Variants in FGGY observed in about 807,000 individuals in gnomAD.
The protein encoded by FGGY is FGGY carbohydrate kinase domain-containing protein.
In FGGY, 72 loss-of-function variants were observed where a neutral mutation model predicts 71.3. The ratio of observed to expected loss-of-function variants is 1.01; its 90% CI spans 0.84 to 1.23. The LOEUF (loss-of-function observed/expected upper bound fraction) is 1.23, where lower values mean the gene tolerates loss of function less well. Ranked by LOEUF, FGGY falls within the 50% of genes most tolerant of loss-of-function variation. FGGY has a pLI of 0.00. For missense variants in FGGY, 668 were observed against 682.3 expected, an observed-to-expected ratio of 0.98 and a Z score of 0.23; for synonymous variants, 251 against 250.3, an observed-to-expected ratio of 1.00 and a Z score of -0.02.
intron 9 of FGGY, among the ~76,000 whole-genome samples, chr1:59,617,365 A>G (rs2096766364): frequency 6.6e-6 from 1 of 152,188 alleles, no homozygotes. Context: ...ATCTTCCATT[A>G]CAAAGCAATT....
intron 14 of FGGY, among the ~76,000 whole-genome samples, chr1:59,752,398 C>T (rs981950796): frequency 6.6e-6 from 1 of 152,154 alleles, no homozygotes; most frequent in African/African-American, 2.4e-5. Context: ...ATATTCTCCC[C>T]TATAGATGGT....
At chr1:59,744,961 G>C (rs1039368722) in intron 14 of FGGY, among the ~76,000 whole-genome samples, 4 of 152,142 alleles carry the variant, frequency 2.6e-5, no homozygotes, top group African/African-American at 4.8e-5. Flanking sequence ...ATAATAAAGA[G>C]AGTTTAAAAG....
intron 4 of FGGY, among the ~76,000 whole-genome samples, chr1:59,372,431 A>C (rs1305037859): frequency 6.6e-6 from 1 of 152,198 alleles, no homozygotes; most frequent in Non-Finnish European, 1.5e-5. Context: ...CTTACCAACC[A>C]AAAAGAGTCC....
At chr1:59,460,182 G>T (rs1234061176) in intron 6 of FGGY, among the ~76,000 whole-genome samples, 3 of 152,068 alleles carry the variant, frequency 2.0e-5, no homozygotes, top group African/African-American at 7.2e-5. Context: ...TGGAAAATCG[G>T]GACACTGCCG....
intron 14 of FGGY, among the ~76,000 whole-genome samples, chr1:59,689,001 C>T (rs2097567905): frequency 6.6e-6 from 1 of 152,130 alleles, no homozygotes. Context: ...CTGCCCACCT[C>T]GGCCTCCCAA....
intron 5 of FGGY, among the ~76,000 whole-genome samples, chr1:59,396,027 A>G (rs2061281717): frequency 6.6e-6 from 1 of 152,210 alleles, no homozygotes; most frequent in South Asian, 2.1e-4. Flanking sequence ...GACCAGCAGC[A>G]TGAGCAGCGT....
chr1:59,685,855 C>T (rs567037818), intron 14 of FGGY, among the ~76,000 whole-genome samples: 1 of 152,314 alleles, frequency 6.6e-6, no homozygotes, highest in Admixed American at 6.5e-5. Context: ...CCTGTTCAAG[C>T]AATCCCCTAG....
intron 10 of FGGY, chr1:59,626,731 T>G (rs2096860134): frequency 6.6e-6 from 1 of 152,180 alleles, no homozygotes. Flanking sequence ...GATGTATGCC[T>G]ATAATCCCAG....
chr1:59,338,973 T>G (rs2050136106), intron 2 of FGGY, among the ~76,000 whole-genome samples: 1 of 152,184 alleles, frequency 6.6e-6, no homozygotes, highest in Non-Finnish European at 1.5e-5. Context: ...GAAACTAAAA[T>G]GCACCATAAT....
intron 6 of FGGY, among the ~76,000 whole-genome samples, chr1:59,492,907 CA>C (rs1188693887): frequency 1.3e-5 from 2 of 152,132 alleles, no homozygotes; most frequent in African/African-American, 4.8e-5. Context: ...GCTTTTGTCA[CA>C]ATCAATTAAG....
At chr1:59,633,001 CTTTTTTT>C (rs58061913) in intron 10 of FGGY, among the ~76,000 whole-genome samples, 3 of 135,684 alleles carry the variant, frequency 2.2e-5, no homozygotes, top group East Asian at 4.3e-4. Flanking sequence ...TTATACATTT[CTTTTTTT>C]TTTTTTTTTT....
intron 6 of FGGY, among the ~76,000 whole-genome samples, chr1:59,469,439 A>T (rs917634623): frequency 6.6e-6 from 1 of 152,208 alleles, no homozygotes; most frequent in South Asian, 2.1e-4. Flanking sequence ...TGGCTTTATC[A>T]GAAGTGCCTC....
chr1:59,358,971 C>T (rs530122458), intron 4 of FGGY, among the ~76,000 whole-genome samples: 3 of 152,220 alleles, frequency 2.0e-5, no homozygotes, highest in South Asian at 2.1e-4. Context: ...CCTCTGGCAA[C>T]GTTGGAATGC....
chr1:59,410,566 G>A (rs1241827124), intron 5 of FGGY, among the ~76,000 whole-genome samples: 1 of 152,150 alleles, frequency 6.6e-6, no homozygotes, highest in African/African-American at 2.4e-5. Context: ...ATGGTATAGG[G>A]ATAGGGTGTT....
intron 5 of FGGY, among the ~76,000 whole-genome samples, chr1:59,443,940 C>A (rs1012482624): frequency 2.0e-5 from 3 of 152,096 alleles, no homozygotes; most frequent in Non-Finnish European, 4.4e-5. Context: ...AGAGAGTGGT[C>A]CAATAATGAG....
At chr1:59,423,098 T>C (rs2065742149) in intron 5 of FGGY, among the ~76,000 whole-genome samples, 2 of 152,318 alleles carry the variant, frequency 1.3e-5, no homozygotes, top group South Asian at 4.1e-4. Context: ...AGGGGAAATC[T>C]GTTCAGAGAT....
At chr1:59,707,637 T>C (rs1006178196) in intron 14 of FGGY, among the ~76,000 whole-genome samples, 3 of 152,218 alleles carry the variant, frequency 2.0e-5, no homozygotes, top group Non-Finnish European at 4.4e-5. Context: ...GCCCACTGTA[T>C]TCCTTCTGTT....
intron 12 of FGGY, 90 bp from the exon 13 acceptor site, chr1:59,667,193 G>C: frequency 6.8e-7 from 1 of 1,460,694 alleles, no homozygotes; most frequent in Non-Finnish European, 9.5e-7. Flanking sequence ...GCTTAGTACA[G>C]TGTCTAGCAC....
intron 8 of FGGY, among the ~76,000 whole-genome samples, chr1:59,585,776 CA>C (rs1313205509): frequency 6.6e-6 from 1 of 152,156 alleles, no homozygotes; most frequent in Non-Finnish European, 1.5e-5. Context: ...ACTCATCTGA[CA>C]AAGGGCTAAT....
Sources: gnomAD v4.1 joint callset for allele counts (sites outside exome capture counted in the v4.1 genomes callset) on GRCh38, gnomAD v4.1.1 for gene constraint, MANE v1.5 for transcripts, NCBI Gene and HGNC (gene_info 2026-07-23, HGNC 2026-07-21) for gene names.